MAU2: variants seen among roughly 807,000 people sequenced by gnomAD.
MAU2 encodes MAU2 chromatid cohesion factor homolog.
A neutral mutation model predicts 89.1 loss-of-function variants in MAU2; 9 were observed. The ratio of observed to expected loss-of-function variants is 0.10; its 90% confidence interval spans 0.06 to 0.18. The LOEUF is 0.18. MAU2 is among the 10% of genes least tolerant of loss of function. MAU2 has a pLI of 1.00. For synonymous variants in MAU2, 357 were observed against 343.4 expected, an observed-to-expected ratio of 1.04 and a Z score of -0.44; for missense variants, 425 against 803.5, an observed-to-expected ratio of 0.53 and a Z score of 5.69.
Position 19,355,237 on chromosome 19 carries a change from G to GCC in MAU2, c.1640-23_1640-22dup, listed in dbSNP as rs763013001. ...CCTGGGCAGTGACAGGGCAAGGCGGGCCCCCATGCTCATGTCCCACTCTCA... is the reference window on the plus strand; with the variant it reads ...CCTGGGCAGTGACAGGGCAAGGCGGGCCCCCCCATGCTCATGTCCCACTCTCA... On this transcript the variant is annotated intron_variant, in intron 17 of 18. Coordinates refer to ENST00000262815, the MANE Select transcript of MAU2 (RefSeq NM_015329.4). 3 of 1,613,018 alleles carry GCC rather than the reference G, an allele frequency of 1.9e-6. No individual in the cohort carries two copies. In the East Asian group the frequency reaches 6.7e-5, roughly 36 times the overall value.
chr19:19,343,428 G>A (rs1025309519), intron 9 of MAU2, among the ~76,000 whole-genome samples: 8 of 152,334 alleles, frequency 5.3e-5, no homozygotes, highest in Non-Finnish European at 1.5e-5. Flanking sequence ...ATTCCCATAT[G>A]AGGATGGTTG....
At position 19,336,087 on chromosome 19, in the gene MAU2, G is replaced by T. The variant is rs576629396; in HGVS notation, c.295-35G>T. 36 of 1,543,122 alleles carry T rather than the reference G, an allele frequency of 2.3e-5. 1 individual carries two copies. In the South Asian group the frequency reaches 3.6e-4, roughly 15 times the overall value. On this transcript the variant is annotated intron_variant, in intron 2 of 18. Transcript: ENST00000262815. Reference sequence around the variant, plus strand: ...TGGCCCTTTCAAACCGACCTTTTTCGCAGTGTCTGTACTTCCTTAACTGGA... The same window carrying T: ...TGGCCCTTTCAAACCGACCTTTTTCTCAGTGTCTGTACTTCCTTAACTGGA...
chr19:19,348,564 G>T (rs2061714312), intron 13 of MAU2: 9 of 511,082 alleles, frequency 1.8e-5, no homozygotes, highest in Non-Finnish European at 2.8e-5. Context: ...CAGCCCACAG[G>T]GCTCACGGGC....
chr19:19,329,803 A>AG lies in MAU2; in HGVS notation c.277-5915_277-5914insG, dbSNP rs1470197505. 8.6e-5 allele frequency among the ~76,000 whole-genome samples: 13 copies of AG among 151,914 alleles called. No individual in the cohort carries two copies. The East Asian group carries it at 2.5e-3, about 29-fold the overall frequency. On this transcript the variant is annotated intron_variant, in intron 1 of 18. Transcript: ENST00000262815. ...CCAGACCCTGTCTCTTAAAAAAAAA[A>AG]AAAAATTGAAAAATTAGCCACACAT...
intron 10 of MAU2, 53 bp downstream of exon 10, chr19:19,343,993 G>A (rs2061673683): frequency 1.9e-5 from 27 of 1,443,780 alleles, no homozygotes; most frequent in Non-Finnish European, 2.6e-5. Context: ...TTGGGTCTCA[G>A]CAGTGTCAGA....
Position 19,345,205 on chromosome 19 carries a change from C to T in MAU2, c.1156-99C>T. 1.9e-6 allele frequency: 2 copies of T among 1,065,146 alleles called. No individual in the cohort carries two copies. The highest frequency in any genetic ancestry group is 2.9e-6 in the Non-Finnish European group (2 of 690,094). The allele number at this position is 1,065,146 out of a possible 1,614,324, so 66.0% of individuals were successfully genotyped here. On this transcript the variant is annotated intron_variant, in intron 11 of 18. Transcript: ENST00000262815. The surrounding 1 kb of genome is among the most constrained non-coding windows in gnomAD (Gnocchi z 4.9). ...GGCTCGGTAGAGCCATTGTCATACT[C>T]CTCCAGGGCAGCCGTGCAGGCCCCG...
chr19:19,346,081 T>C (rs542989462), intron 12 of MAU2, among the ~76,000 whole-genome samples: 10 of 152,084 alleles, frequency 6.6e-5, no homozygotes, highest in Non-Finnish European at 1.0e-4. Context: ...GTGTGCGCCC[T>C]GACTGTTGGA....
At chr19:19,347,218 A>G in intron 12 of MAU2, 62 bp from the exon 13 acceptor site, 1 of 1,001,912 alleles carries the variant, frequency 1.0e-6, no homozygotes, top group South Asian at 1.3e-5. Flanking sequence ...GGGTGCTCTG[A>G]CACTGCCACA....
rs541328146 is a variant in MAU2 at position 19,346,645 on chromosome 19, C to T, written c.1222-635C>T. ...GTCTGTGCTTCCTGGGCTCACTCCA[C>T]CTCTTGCCCAGCCCCACTGGGAACC... On this transcript the variant is annotated intron_variant, in intron 12 of 18. Transcript: ENST00000262815. 1.5e-3 allele frequency among the ~76,000 whole-genome samples: 229 copies of T among 152,308 alleles called. 1 individual carries two copies. The highest frequency in any genetic ancestry group is 5.2e-3 in the African/African-American group (217 of 41,564).
intron 16 of MAU2, chr19:19,353,133 G>C (rs1041541469): frequency 2.0e-5 from 3 of 152,258 alleles, no homozygotes; most frequent in African/African-American, 7.2e-5. Context: ...GGGATGCCCT[G>C]TCCTGAGCCT....
intron 5 of MAU2, among the ~76,000 whole-genome samples, chr19:19,339,424 C>T (rs912710269): frequency 4.6e-5 from 7 of 151,230 alleles, no homozygotes; most frequent in East Asian, 2.0e-4. Flanking sequence ...TCCAGCCTGG[C>T]GACAGAGCGA....
intron 1 of MAU2, among the ~76,000 whole-genome samples, chr19:19,330,982 T>A (rs966646971): frequency 6.6e-6 from 1 of 152,156 alleles, no homozygotes; most frequent in Non-Finnish European, 1.5e-5. Context: ...GACTGAATCC[T>A]CCAGGCACCA....
rs758042466 is a variant in MAU2 at position 19,320,886 on chromosome 19, C to A, written c.27C>A (p.Ala9=). Residue 9 remains alanine (A), a synonymous_variant, in exon 1 of 19, where the codon GCC becomes GCA. Coordinates refer to ENST00000262815, the MANE Select transcript of MAU2 (RefSeq NM_015329.4). ...TGGCGGCTCAGGCGGCGGCAGCGGC[C>A]CAGGCGGCGGCGGCCCAGGCTGCGC... MAAQAAAA[A]QAAAAQAAQA... The A allele has an allele frequency of 3.3e-5, 49 of 1,483,450 alleles. No homozygotes were observed. In the African/African-American group the frequency reaches 6.4e-4, roughly 19 times the overall value. The allele number at this position is 1,483,450 out of a possible 1,614,324, so 91.9% of individuals were successfully genotyped here.
At chr19:19,329,332 C>CT (rs1185244338) in intron 1 of MAU2, among the ~76,000 whole-genome samples, 1 of 152,176 alleles carries the variant, frequency 6.6e-6, no homozygotes, top group East Asian at 1.9e-4. Context: ...TGAGTCACCT[C>CT]TGACTTCAGG....
chr19:19,323,683 T>G (rs2061482924), intron 1 of MAU2, among the ~76,000 whole-genome samples: 1 of 151,758 alleles, frequency 6.6e-6, no homozygotes, highest in South Asian at 2.1e-4. Flanking sequence ...ATTTTTGTGT[T>G]TTTTGTAAAG....
At chr19:19,324,214 TGA>T (rs1456033540) in intron 1 of MAU2, among the ~76,000 whole-genome samples, 1 of 152,176 alleles carries the variant, frequency 6.6e-6, no homozygotes, top group Non-Finnish European at 1.5e-5. Context: ...GCAGAGGTAG[TGA>T]GAGAGTCTCT....
At position 19,345,501 on chromosome 19, in the gene MAU2, A is replaced by G. The variant is rs980150290; in HGVS notation, c.1221+132A>G. The G allele has an allele frequency of 1.9e-5, 16 of 843,624 alleles. No individual in the cohort carries two copies. Among genetic ancestry groups the G allele is most frequent in the Non-Finnish European group, 2.9e-5 (15 of 512,248 alleles). The allele number at this position is 843,624 out of a possible 1,614,324, so 52.3% of individuals were successfully genotyped here. A position where few individuals can be genotyped will look rare whatever the true frequency, so the allele number is the denominator to read the frequency against. On this transcript the variant is annotated intron_variant, in intron 12 of 18. Transcript: ENST00000262815. The surrounding 1 kb of genome is among the most constrained non-coding windows in gnomAD (Gnocchi z 4.9). Reference sequence around the variant, plus strand: ...AGCCGCAGCCCCAGAGGCAATGCACAGTAGTCAGCCCATGCCAGCCTTGGC... The same window carrying G: ...AGCCGCAGCCCCAGAGGCAATGCACGGTAGTCAGCCCATGCCAGCCTTGGC...
intron 1 of MAU2, among the ~76,000 whole-genome samples, chr19:19,332,586 A>T (rs572794083): frequency 1.0e-5 from 1 of 96,548 alleles, no homozygotes; most frequent in East Asian, 3.9e-4. Flanking sequence ...ACACCCACTG[A>T]CGCTAGTGGA....
In MAU2 at chr19:19,349,218, C is replaced by G; in HGVS notation, c.1422C>G (p.Arg474=). 6.2e-7 allele frequency: 1 copy of G among 1,614,200 alleles called. No homozygotes were observed. The highest frequency in any genetic ancestry group is 1.1e-5 in the South Asian group (1 of 91,086). The change falls in exon 15 of 19, where the codon CGC becomes CGG. Residue 474 remains arginine (R), a synonymous_variant. Transcript: ENST00000262815. ...VRGLFSFFQG[R]YNEAKRFLRE... is the part of the protein sequence containing the mutation. The stretch of plus-strand genomic sequence containing the variant: ...GGCTCTTCTCCTTCTTCCAGGGACG[C>G]TACAACGAGGCCAAGTAAGTGTGGG...
Sources: allele counts gnomAD v4.1 joint callset (sites outside exome capture counted in the v4.1 genomes callset), GRCh38; gene constraint gnomAD v4.1.1; non-coding constraint Gnocchi (gnomAD v3.1); transcripts MANE v1.5; gene names NCBI Gene and HGNC (gene_info 2026-07-23, HGNC 2026-07-21).